The following GRXCR1 variants were observed in gnomAD, a reference collection of about 807,000 sequenced individuals.
GRXCR1 encodes the protein glutaredoxin domain-containing cysteine-rich protein 1.
A neutral mutation model predicts 27.3 loss-of-function variants in GRXCR1; 27 were observed. The ratio of observed to expected loss-of-function variants is 0.99; its 90% CI spans 0.73 to 1.37. GRXCR1 has a LOEUF of 1.37. Ranked by LOEUF, GRXCR1 falls within the 40% of genes most tolerant of loss-of-function variation. GRXCR1 has a pLI of 0.00. For missense variants in GRXCR1, 379 were observed against 354.4 expected, an observed-to-expected ratio of 1.07 and a Z score of -0.56; for synonymous variants, 122 against 131.1, an observed-to-expected ratio of 0.93 and a Z score of 0.47.
intron 2 of GRXCR1, among the ~76,000 whole-genome samples, chr4:42,993,307 A>T (rs1057235054): frequency 2.0e-5 from 3 of 152,054 alleles, no homozygotes; most frequent in African/African-American, 7.2e-5. Flanking sequence ...ACATGGGGAT[A>T]TTAATTTCTT....
intron 1 of GRXCR1, among the ~76,000 whole-genome samples, chr4:42,962,565 A>G (rs1748149239): frequency 6.6e-6 from 1 of 151,970 alleles, no homozygotes; most frequent in African/African-American, 2.4e-5. Flanking sequence ...TAATTGAGCA[A>G]TGTCTATGAA....
At chr4:42,940,511 T>C (rs961479643) in intron 1 of GRXCR1, among the ~76,000 whole-genome samples, 8 of 152,042 alleles carry the variant, frequency 5.3e-5, no homozygotes, top group African/African-American at 1.7e-4. Context: ...AAACAAAAAA[T>C]GCAAATTATT....
chr4:42,974,733 G>A (rs1483403660), intron 2 of GRXCR1, among the ~76,000 whole-genome samples: 1 of 152,110 alleles, frequency 6.6e-6, no homozygotes, highest in Non-Finnish European at 1.5e-5. Context: ...AAACTGCCTG[G>A]AAGTAACCAT....
rs571940287 is a variant in GRXCR1, at chr4:42,940,767, C to T, written c.385-22125C>T. Reference sequence around the variant, plus strand: ...TTTTAGATAATTCACTTTTTACTCTCGTTTTTGCTCTAGGGCTTATAATTA... The same window carrying T: ...TTTTAGATAATTCACTTTTTACTCTTGTTTTTGCTCTAGGGCTTATAATTA... On this transcript the variant is annotated intron_variant, in intron 1 of 3. Transcript: ENST00000399770. Among the ~76,000 whole-genome samples the T allele has an allele frequency of 9.9e-5, 15 of 152,028 alleles. No homozygotes were observed. The South Asian group carries it at 2.5e-3, about 25-fold the overall frequency.
chr4:42,981,242 G>T (rs1748659679), intron 2 of GRXCR1, among the ~76,000 whole-genome samples: 1 of 150,120 alleles, frequency 6.7e-6, no homozygotes, highest in African/African-American at 2.5e-5. Flanking sequence ...GTTATCATGA[G>T]ACTTATAAAA....
At chr4:42,995,609 G>A (rs569110140) in intron 2 of GRXCR1, among the ~76,000 whole-genome samples, 13 of 152,274 alleles carry the variant, frequency 8.5e-5, no homozygotes, top group Admixed American at 1.3e-4. Context: ...GTGGCGTTGA[G>A]AAAAGCCACA....
intron 1 of GRXCR1, among the ~76,000 whole-genome samples, chr4:42,934,602 C>T (rs764964036): frequency 6.6e-6 from 1 of 151,966 alleles, no homozygotes; most frequent in African/African-American, 2.4e-5. Context: ...TCCAGTCCTA[C>T]ACTTGCTCTA....
chr4:42,986,272 C>G (rs2109788061), intron 2 of GRXCR1, among the ~76,000 whole-genome samples: 1 of 152,332 alleles, frequency 6.6e-6, no homozygotes. Context: ...TGAAATGAAG[C>G]AAACCATCTC....
chr4:42,992,657 A>G (rs1354510750), intron 2 of GRXCR1, among the ~76,000 whole-genome samples: 1 of 152,148 alleles, frequency 6.6e-6, no homozygotes, highest in Non-Finnish European at 1.5e-5. Context: ...TTAGAAAGCC[A>G]TAATGCTTAG....
intron 2 of GRXCR1, among the ~76,000 whole-genome samples, chr4:42,980,561 G>A (rs1748637492): frequency 6.6e-6 from 1 of 152,124 alleles, no homozygotes; most frequent in African/African-American, 2.4e-5. Flanking sequence ...GGCCTAACAT[G>A]TGATCTGTCC....
At chr4:42,980,797 A>G (rs933926233) in intron 2 of GRXCR1, among the ~76,000 whole-genome samples, 11 of 152,132 alleles carry the variant, frequency 7.2e-5, no homozygotes, top group Admixed American at 2.6e-4. Context: ...ATATTTGCTT[A>G]TATATTTAGA....
At chr4:42,973,352 A>G (rs1349789952) in intron 2 of GRXCR1, among the ~76,000 whole-genome samples, 1 of 152,164 alleles carries the variant, frequency 6.6e-6, no homozygotes, top group Non-Finnish European at 1.5e-5. Flanking sequence ...GATCCACATA[A>G]CAAATTGCTC....
At chr4:42,973,853 C>T (rs1366647925) in intron 2 of GRXCR1, among the ~76,000 whole-genome samples, 1 of 152,058 alleles carries the variant, frequency 6.6e-6, no homozygotes, top group Non-Finnish European at 1.5e-5. Flanking sequence ...TGAGATGAAG[C>T]ATAAAAACTC....
chr4:42,897,205 A>C (rs965805743), intron 1 of GRXCR1, among the ~76,000 whole-genome samples: 7 of 152,144 alleles, frequency 4.6e-5, no homozygotes, highest in African/African-American at 1.7e-4. Flanking sequence ...TTAGCAGCAA[A>C]ATATTTCCAA....
chr4:42,971,906 C>A (rs1428692742), intron 2 of GRXCR1, among the ~76,000 whole-genome samples: 1 of 152,124 alleles, frequency 6.6e-6, no homozygotes, highest in Non-Finnish European at 1.5e-5. Flanking sequence ...TAAAAAACAT[C>A]TCTGATATTG....
intron 1 of GRXCR1, among the ~76,000 whole-genome samples, chr4:42,914,731 T>G (rs1746847131): frequency 6.6e-6 from 1 of 152,130 alleles, no homozygotes; most frequent in Non-Finnish European, 1.5e-5. Flanking sequence ...ACTCCCACCT[T>G]GAATTGTAAT....
chr4:42,979,342 T>C (rs1269978414), intron 2 of GRXCR1, among the ~76,000 whole-genome samples: 3 of 152,088 alleles, frequency 2.0e-5, no homozygotes, highest in Non-Finnish European at 4.4e-5. Flanking sequence ...GCCTTTAGTG[T>C]TGAGATACAT....
intron 1 of GRXCR1, among the ~76,000 whole-genome samples, chr4:42,914,308 G>T (rs1183958365): frequency 1.3e-5 from 2 of 152,248 alleles, no homozygotes; most frequent in Non-Finnish European, 2.9e-5. Context: ...GGGTGGAGCT[G>T]CCCAAGGCCA....
chr4:42,912,815 G>A (rs1746754515), intron 1 of GRXCR1, among the ~76,000 whole-genome samples: 1 of 152,094 alleles, frequency 6.6e-6, no homozygotes. Flanking sequence ...CACCTAAATT[G>A]CACCTCGAAT....
Sources: allele counts gnomAD v4.1 joint callset (sites outside exome capture counted in the v4.1 genomes callset), GRCh38; gene constraint gnomAD v4.1.1; transcripts MANE v1.5; gene names NCBI Gene and HGNC (gene_info 2026-07-23, HGNC 2026-07-21).